Variants in SAMD12 observed in about 807,000 individuals in gnomAD.
SAMD12 encodes sterile alpha motif domain-containing protein 12.
A neutral mutation model predicts 15.0 loss-of-function variants in SAMD12; 9 were observed. The observed-to-expected ratio is 0.60, with a 90% CI of 0.36 to 1.05. SAMD12 has a LOEUF of 1.05. SAMD12 is among the 50% of genes least tolerant of loss of function. The pLI is 0.01. For synonymous variants in SAMD12, 86 were observed against 90.1 expected, an observed-to-expected ratio of 0.96 and a Z score of 0.25; for missense variants, 230 against 234.2, an observed-to-expected ratio of 0.98 and a Z score of 0.12.
chr8:118,504,852 G>C (rs1824880857), intron 2 of SAMD12, among the ~76,000 whole-genome samples: 1 of 152,192 alleles, frequency 6.6e-6, no homozygotes, highest in Non-Finnish European at 1.5e-5. Flanking sequence ...TTCTCCCCTA[G>C]AGCCTCCAGA....
At chr8:118,399,008 C>T (rs972626616) in intron 3 of SAMD12, among the ~76,000 whole-genome samples, 2 of 152,006 alleles carry the variant, frequency 1.3e-5, no homozygotes, top group African/African-American at 2.4e-5. Context: ...CTCAGCCTCC[C>T]GAGTAGCTGA....
chr8:118,170,790 C>A, the SAMD12 span, among the ~76,000 whole-genome samples: 1 of 151,702 alleles, frequency 6.6e-6, no homozygotes, highest in East Asian at 1.9e-4. Context: ...TTGAATAGAA[C>A]AATGTAAGTA....
intron 4 of SAMD12, among the ~76,000 whole-genome samples, chr8:118,210,260 GAT>G (rs1194813352): frequency 2.0e-5 from 3 of 152,194 alleles, no homozygotes; most frequent in Non-Finnish European, 2.9e-5. Flanking sequence ...CTTTGAAGTT[GAT>G]ATGATTATCA....
chr8:118,282,685 A>G (rs1813710893), intron 4 of SAMD12, among the ~76,000 whole-genome samples: 1 of 152,226 alleles, frequency 6.6e-6, no homozygotes, highest in Non-Finnish European at 1.5e-5. Context: ...CAGATGCTTA[A>G]GTTGATACCA....
At chr8:118,539,163 A>G (rs1035172927) in intron 2 of SAMD12, among the ~76,000 whole-genome samples, 1 of 152,238 alleles carries the variant, frequency 6.6e-6, no homozygotes, top group African/African-American at 2.4e-5. Context: ...GTGCCTTGGC[A>G]TTGCTGATCA....
chr8:118,525,441 A>G (rs1825508993), intron 2 of SAMD12, among the ~76,000 whole-genome samples: 1 of 152,188 alleles, frequency 6.6e-6, no homozygotes, highest in Non-Finnish European at 1.5e-5. Flanking sequence ...ATAGAATGCA[A>G]GTGTCATCAG....
chr8:118,283,052 G>A (rs1029454365), intron 4 of SAMD12, among the ~76,000 whole-genome samples: 7 of 152,144 alleles, frequency 4.6e-5, no homozygotes, highest in Non-Finnish European at 1.0e-4. Context: ...ATAGTGGCAT[G>A]TGGAATTTCA....
downstream of SAMD12, among the ~76,000 whole-genome samples, chr8:118,188,640 T>C (rs1377294002): frequency 1.3e-5 from 2 of 152,184 alleles, no homozygotes; most frequent in African/African-American, 4.8e-5. Context: ...AGGCAATTCA[T>C]CATATTCAGT....
At chr8:118,455,326 A>G (rs1823215427) in intron 2 of SAMD12, among the ~76,000 whole-genome samples, 1 of 150,750 alleles carries the variant, frequency 6.6e-6, no homozygotes, top group African/African-American at 2.4e-5. Context: ...TAGAATGCCT[A>G]TTACTAAACA....
intron 2 of SAMD12, among the ~76,000 whole-genome samples, chr8:118,539,276 A>C (rs1229456497): frequency 6.6e-6 from 1 of 152,228 alleles, no homozygotes; most frequent in African/African-American, 2.4e-5. Context: ...AGTAGCTGCT[A>C]TCATGAAAAT....
chr8:118,316,918 G>A (rs972058905), intron 4 of SAMD12, among the ~76,000 whole-genome samples: 8 of 148,906 alleles, frequency 5.4e-5, no homozygotes, highest in African/African-American at 2.0e-4. Flanking sequence ...GCCTCCCAAA[G>A]CGCTGGGATT....
At chr8:118,231,420 G>A (rs549951093) in intron 4 of SAMD12, among the ~76,000 whole-genome samples, 11 of 152,132 alleles carry the variant, frequency 7.2e-5, no homozygotes, top group South Asian at 4.2e-4. Context: ...TCATTCATTC[G>A]ACCCATATTC....
chr8:118,604,936 A>G (rs771941324), intron 1 of SAMD12, among the ~76,000 whole-genome samples: 2 of 152,130 alleles, frequency 1.3e-5, no homozygotes, highest in Non-Finnish European at 1.5e-5. Flanking sequence ...AAATAAAAAA[A>G]ATAAAAATAA....
intron 2 of SAMD12, among the ~76,000 whole-genome samples, chr8:118,478,541 G>T (rs1824030075): frequency 6.6e-6 from 1 of 152,238 alleles, no homozygotes; most frequent in Non-Finnish European, 1.5e-5. Context: ...ATAGTAAATA[G>T]TCATCATGAC....
intron 2 of SAMD12, among the ~76,000 whole-genome samples, chr8:118,473,221 C>G (rs1217679304): frequency 6.6e-6 from 1 of 152,224 alleles, no homozygotes. Context: ...CTCTGTCACA[C>G]TGTAACCTCC....
Position 118,476,976 on chromosome 8 carries a change from T to A in SAMD12, c.193-37015A>T, listed in dbSNP as rs902081306. Among the ~76,000 whole-genome samples the A allele has an allele frequency of 6.6e-5, 10 of 152,100 alleles. No homozygotes were observed. The South Asian group carries it at 2.1e-3, about 32-fold the overall frequency. On this transcript the variant is annotated intron_variant, in intron 2 of 3. Transcript: ENST00000314727. Reference sequence around the variant, plus strand: ...CCGTTTCCAATCCAGACACATCACTTCCTGTACCTGCGTATTTCAGCAGGC... The same window carrying A: ...CCGTTTCCAATCCAGACACATCACTACCTGTACCTGCGTATTTCAGCAGGC...
At chr8:118,406,208 ATTCT>A (rs964023403) in intron 3 of SAMD12, among the ~76,000 whole-genome samples, 1 of 151,506 alleles carries the variant, frequency 6.6e-6, no homozygotes, top group African/African-American at 2.4e-5. Flanking sequence ...AACACTATGG[ATTCT>A]TTTTTTTTTT....
At chr8:118,598,488 G>A (rs761045302) in intron 1 of SAMD12, among the ~76,000 whole-genome samples, 6 of 152,232 alleles carry the variant, frequency 3.9e-5, no homozygotes, top group Non-Finnish European at 7.3e-5. Context: ...AGAAGTGTGA[G>A]AAATTCAGTT....
chr8:118,394,791 T>C (rs1467862405), intron 3 of SAMD12: 1 of 152,182 alleles, frequency 6.6e-6, no homozygotes, highest in Non-Finnish European at 1.5e-5. Flanking sequence ...CCAGAGATTA[T>C]AGTGCTGGAG....
Sources: allele counts gnomAD v4.1 joint callset (sites outside exome capture counted in the v4.1 genomes callset), GRCh38; gene constraint gnomAD v4.1.1; transcripts MANE v1.5; gene names NCBI Gene and HGNC (gene_info 2026-07-23, HGNC 2026-07-21).